BCAT1: variants seen among roughly 807,000 people sequenced by gnomAD.
The protein encoded by BCAT1 is branched chain amino acid transaminase 1.
In BCAT1, 48 loss-of-function variants were observed where a neutral mutation model predicts 52.4. The observed-to-expected ratio is 0.92, with a 90% CI of 0.73 to 1.16. BCAT1 has a LOEUF of 1.16. Ranked by LOEUF, BCAT1 falls within the 50% of genes most tolerant of loss-of-function variation. BCAT1 has a pLI of 0.00. For synonymous variants in BCAT1, 167 were observed against 161.3 expected (o/e 1.04, Z -0.27); for missense variants, 451 against 457.1 (o/e 0.99, Z 0.12).
chr12:24,843,414 C>A (rs549883984), intron 6 of BCAT1, among the ~76,000 whole-genome samples: 1 of 152,170 alleles, frequency 6.6e-6, no homozygotes, highest in East Asian at 1.9e-4. Context: ...ACCAGCCCGG[C>A]CAACATGGTG....
At chr12:24,947,218 T>A (rs1347942741) in intron 1 of BCAT1, among the ~76,000 whole-genome samples, 1 of 143,182 alleles carries the variant, frequency 7.0e-6, no homozygotes, top group East Asian at 2.2e-4. Context: ...CACACGGACT[T>A]CCCTTGCCTC....
At chr12:24,942,558 A>AG (rs11442641) in intron 1 of BCAT1, among the ~76,000 whole-genome samples, 24,754 of 150,704 alleles carry the variant, frequency 0.16, 2,908 homozygotes, top group East Asian at 0.39. Flanking sequence ...AAAAAAAAAA[A>AG]AGATGGCTGG....
At chr12:24,907,220 T>C (rs1418268118) in intron 1 of BCAT1, among the ~76,000 whole-genome samples, 1 of 152,242 alleles carries the variant, frequency 6.6e-6, no homozygotes, top group East Asian at 1.9e-4. Flanking sequence ...TCATCCTTCC[T>C]TGTTCAGTCC....
At chr12:24,843,236 A>G (rs543489509) in intron 6 of BCAT1, among the ~76,000 whole-genome samples, 7 of 152,354 alleles carry the variant, frequency 4.6e-5, no homozygotes, top group African/African-American at 1.7e-4. Context: ...AATCTACCAC[A>G]AAATATCTAT....
intron 5 of BCAT1, among the ~76,000 whole-genome samples, chr12:24,866,509 A>G (rs1942017667): frequency 6.6e-6 from 1 of 152,212 alleles, no homozygotes; most frequent in South Asian, 2.1e-4. Flanking sequence ...ACTGGCAGGC[A>G]GCTCCACCTG....
intron 5 of BCAT1, among the ~76,000 whole-genome samples, chr12:24,859,618 CA>C (rs71063366): frequency 0.022 from 2,038 of 93,742 alleles, 24 homozygotes; most frequent in African/African-American, 0.056. Context: ...AGACTCGTCT[CA>C]AAAAAAAAAA....
intron 1 of BCAT1, among the ~76,000 whole-genome samples, chr12:24,906,913 C>G (rs1943235023): frequency 6.6e-6 from 1 of 152,340 alleles, no homozygotes; most frequent in African/African-American, 2.4e-5. Context: ...CCTTGCTTCT[C>G]TTTAAGCCAT....
intron 2 of BCAT1, among the ~76,000 whole-genome samples, chr12:24,894,894 T>G (rs111537868): frequency 7.4e-4 from 113 of 152,376 alleles, no homozygotes; most frequent in African/African-American, 2.6e-3. Context: ...CATTAAGTAC[T>G]GAACTGCTAT....
intron 5 of BCAT1, among the ~76,000 whole-genome samples, chr12:24,876,293 A>G (rs537741344): frequency 3.3e-5 from 5 of 151,388 alleles, no homozygotes; most frequent in Non-Finnish European, 5.9e-5. Flanking sequence ...GAAAAGAAAA[A>G]TGAAAACTAG....
intron 7 of BCAT1, among the ~76,000 whole-genome samples, chr12:24,840,775 A>G (rs1353903520): frequency 1.3e-5 from 2 of 152,242 alleles, no homozygotes; most frequent in African/African-American, 4.8e-5. Flanking sequence ...AAGAGAGGCT[A>G]CTGTAGCTAC....
chr12:24,893,210 A>G (rs913419409), intron 3 of BCAT1, among the ~76,000 whole-genome samples: 1 of 152,336 alleles, frequency 6.6e-6, no homozygotes. Flanking sequence ...GCCTCCTTTT[A>G]TAATGGATGA....
intron 1 of BCAT1, among the ~76,000 whole-genome samples, chr12:24,906,388 G>A (rs1943226005): frequency 6.6e-6 from 1 of 152,108 alleles, no homozygotes; most frequent in African/African-American, 2.4e-5. Flanking sequence ...CTCCAAGACT[G>A]GCTGTGAGAG....
intron 1 of BCAT1, among the ~76,000 whole-genome samples, chr12:24,943,962 T>C (rs145737206): frequency 0.02 from 3,090 of 151,564 alleles, 122 homozygotes; most frequent in African/African-American, 0.069. Flanking sequence ...CCAGCCTGGG[T>C]GACAGAGCAA....
chr12:24,910,825 C>A (rs1943311778), intron 1 of BCAT1, among the ~76,000 whole-genome samples: 1 of 152,118 alleles, frequency 6.6e-6, no homozygotes, highest in East Asian at 1.9e-4. Flanking sequence ...AGAACTGGGG[C>A]CAGGCACAGT....
intron 10 of BCAT1, among the ~76,000 whole-genome samples, chr12:24,827,546 C>T (rs1024811570): frequency 1.3e-5 from 2 of 152,220 alleles, no homozygotes; most frequent in Non-Finnish European, 2.9e-5. Flanking sequence ...AATCTCAGCA[C>T]TTTGGGAGGC....
chr12:24,881,476 T>A, intron 3 of BCAT1, 65 bp from the exon 4 acceptor site: 1 of 1,063,022 alleles, frequency 9.4e-7, no homozygotes, highest in Non-Finnish European at 1.4e-6. Context: ...TTCAAGAGAC[T>A]GACTTTCCTA....
intron 10 of BCAT1, among the ~76,000 whole-genome samples, chr12:24,820,639 G>A (rs2139315730): frequency 6.6e-6 from 1 of 152,282 alleles, no homozygotes; most frequent in South Asian, 2.1e-4. Context: ...ATCAGAGATG[G>A]TGTCAAAGCA....
intron 4 of BCAT1, 78 bp downstream of exon 4, chr12:24,881,223 G>A: frequency 9.8e-7 from 1 of 1,021,774 alleles, no homozygotes; most frequent in South Asian, 1.5e-5. Context: ...TAACTATTCA[G>A]AAATTATTTA....
chr12:24,940,520 C>G (rs574510076), intron 1 of BCAT1, among the ~76,000 whole-genome samples: 1 of 152,168 alleles, frequency 6.6e-6, no homozygotes, highest in East Asian at 1.9e-4. Context: ...AATATTTGCT[C>G]TAATGTTATT....
Sources: gnomAD v4.1 joint callset for allele counts (sites outside exome capture counted in the v4.1 genomes callset) on GRCh38, gnomAD v4.1.1 for gene constraint, MANE v1.5 for transcripts, NCBI Gene and HGNC (gene_info 2026-07-23, HGNC 2026-07-21) for gene names.